The following SEL1L2 variants were observed in gnomAD, a reference collection of about 807,000 sequenced individuals.
SEL1L2 encodes SEL1L2 adaptor subunit of SYVN1 ubiquitin ligase.
SEL1L2 carries 89 observed loss-of-function variants against 98.8 expected under a neutral mutation model. The observed-to-expected ratio is 0.90, with a 90% CI of 0.76 to 1.07. SEL1L2 has a LOEUF of 1.07. Among genes scored for constraint, SEL1L2 ranks in the 50% least tolerant of loss-of-function variants. The pLI is 0.00. For missense variants in SEL1L2, 788 were observed against 812.0 expected, an observed-to-expected ratio of 0.97 and a Z score of 0.36; for synonymous variants, 262 against 278.5, an observed-to-expected ratio of 0.94 and a Z score of 0.59.
At chr20:13,924,729 G>A (rs1310665679) in intron 3 of SEL1L2, among the ~76,000 whole-genome samples, 1 of 151,946 alleles carries the variant, frequency 6.6e-6, no homozygotes, top group African/African-American at 2.4e-5. Context: ...AACTCTGGTT[G>A]GTTCTTTTAC....
At chr20:13,923,846 A>G (rs116821339) in intron 3 of SEL1L2, among the ~76,000 whole-genome samples, 2,323 of 152,298 alleles carry the variant, frequency 0.015, 59 homozygotes, top group African/African-American at 0.053. Flanking sequence ...AGCTTTATAC[A>G]TTCAAATCTT....
chr20:13,877,575 T>C lies in SEL1L2; in HGVS notation c.971A>G (p.Tyr324Cys). 1 of 1,612,574 alleles carries C rather than the reference T, an allele frequency of 6.2e-7. No homozygotes were observed. The highest frequency in any genetic ancestry group is 8.5e-7 in the Non-Finnish European group (1 of 1,178,832). The change falls in exon 11 of 20, where the codon TAC (tyrosine) becomes TGC (cysteine). Residue 324 changes from tyrosine (Y) to cysteine (C), a missense_variant. By Grantham distance (194) the Tyr-to-Cys change is radical (BLOSUM62 -2). Coordinates refer to ENST00000284951, the MANE Select transcript of SEL1L2 (RefSeq NM_025229.2). Reference sequence around the variant, plus strand: ...CCCGGCCTTTGCTGCCTTTAAGAAGTAGTGTAATGCTTTCTGGAGAGAAAA... The same window carrying C: ...CCCGGCCTTTGCTGCCTTTAAGAAGCAGTGTAATGCTTTCTGGAGAGAAAA... ...LDQDYYKALH[Y>C]FLKAAKAGSA...
At chr20:13,910,020 G>A (rs1234204140) in intron 5 of SEL1L2, among the ~76,000 whole-genome samples, 1 of 152,056 alleles carries the variant, frequency 6.6e-6, no homozygotes, top group Non-Finnish European at 1.5e-5. Context: ...ACAACAAACC[G>A]GTTCAGCTGA....
At chr20:13,923,550 C>T (rs2048751121) in intron 3 of SEL1L2, among the ~76,000 whole-genome samples, 1 of 152,128 alleles carries the variant, frequency 6.6e-6, no homozygotes, top group Non-Finnish European at 1.5e-5. Flanking sequence ...GGGTGAATCA[C>T]TTGAACCAGC....
At chr20:13,994,181 A>G (rs1327384172), upstream of SEL1L2, among the ~76,000 whole-genome samples, 1 of 151,574 alleles carries the variant, frequency 6.6e-6, no homozygotes, top group African/African-American at 2.4e-5. Context: ...CTGTAATCTC[A>G]GCTACTCCAG....
chr20:13,899,630 C>T (rs1171285348), intron 5 of SEL1L2, among the ~76,000 whole-genome samples: 2 of 152,074 alleles, frequency 1.3e-5, no homozygotes, highest in African/African-American at 4.8e-5. Flanking sequence ...TAGTCCTATA[C>T]AGGGGGTGCC....
At chr20:13,855,682 C>T (rs1989041684) in intron 18 of SEL1L2, among the ~76,000 whole-genome samples, 1 of 152,144 alleles carries the variant, frequency 6.6e-6, no homozygotes. Context: ...TTTGGGGTCC[C>T]CTAAAGCCTT....
rs1288182410 is a variant in SEL1L2, at chr20:13,849,393, G to A, written c.*92C>T. 4.3e-5 allele frequency: 65 copies of A among 1,494,934 alleles called. No homozygotes were observed. Among genetic ancestry groups the A allele is most frequent in the South Asian group, 2.0e-4 (16 of 79,714 alleles). 92.6% of individuals were successfully genotyped at this position (1,494,934 alleles called of 1,614,324 possible). ...ACAGCCCTGAGCGGGAAACTGCAGC[G>A]GACTCTTGATTTGGATGGGAAACTG... On this transcript the variant is annotated 3_prime_UTR_variant, in exon 20 of 20. Coordinates refer to ENST00000284951, the MANE Select transcript of SEL1L2 (RefSeq NM_025229.2).
intron 2 of SEL1L2, among the ~76,000 whole-genome samples, chr20:13,933,470 C>T (rs975941630): frequency 6.6e-6 from 1 of 152,118 alleles, no homozygotes; most frequent in African/African-American, 2.4e-5. Context: ...TATGTTTTAC[C>T]TCTACAGATT....
chr20:13,938,087 T>TC (rs147714567), intron 2 of SEL1L2, among the ~76,000 whole-genome samples: 17,051 of 150,788 alleles, frequency 0.11, 1,136 homozygotes, highest in Admixed American at 0.18. Flanking sequence ...TCTTTTCTTT[T>TC]TTTTTTTTTT....
At chr20:13,980,748 A>G (rs2051775108) in intron 1 of SEL1L2, among the ~76,000 whole-genome samples, 1 of 152,200 alleles carries the variant, frequency 6.6e-6, no homozygotes, top group Admixed American at 6.5e-5. Context: ...GTGTCCATCA[A>G]TGGATGAATG....
intron 18 of SEL1L2, among the ~76,000 whole-genome samples, chr20:13,856,542 T>C (rs1332859309): frequency 6.6e-6 from 1 of 152,126 alleles, no homozygotes; most frequent in Non-Finnish European, 1.5e-5. Flanking sequence ...AGAACAATGA[T>C]GCAGTCACTC....
chr20:13,938,717 T>G (rs746221331), intron 2 of SEL1L2, among the ~76,000 whole-genome samples: 1 of 152,156 alleles, frequency 6.6e-6, no homozygotes, highest in Non-Finnish European at 1.5e-5. Flanking sequence ...ACTTTACCCC[T>G]CTATAAAATA....
At chr20:13,965,597 G>A (rs1191577393) in intron 1 of SEL1L2, among the ~76,000 whole-genome samples, 10 of 152,026 alleles carry the variant, frequency 6.6e-5, no homozygotes, top group South Asian at 2.1e-4. Context: ...TCTAATTTCC[G>A]TCTACCCTTA....
intron 2 of SEL1L2, among the ~76,000 whole-genome samples, chr20:13,937,301 TCCAA>T (rs1205101523): frequency 6.6e-6 from 1 of 152,150 alleles, no homozygotes; most frequent in Non-Finnish European, 1.5e-5. Flanking sequence ...TCGGAGAATC[TCCAA>T]CCCGCCCAAG....
chr20:13,911,251 C>T (rs2048194462), intron 5 of SEL1L2, among the ~76,000 whole-genome samples: 1 of 152,220 alleles, frequency 6.6e-6, no homozygotes. Flanking sequence ...ATCTTTCTCT[C>T]CCCATTACTA....
At chr20:13,938,301 G>A (rs904245176) in intron 2 of SEL1L2, among the ~76,000 whole-genome samples, 13 of 151,936 alleles carry the variant, frequency 8.6e-5, no homozygotes, top group Admixed American at 2.6e-4. Context: ...GGCTCATCTC[G>A]AACCCCTGAC....
chr20:13,882,560 G>A (rs551270835), intron 10 of SEL1L2, among the ~76,000 whole-genome samples: 7 of 152,222 alleles, frequency 4.6e-5, no homozygotes, highest in Non-Finnish European at 8.8e-5. Flanking sequence ...AGTCATTCTC[G>A]CAGTCACAGA....
intron 2 of SEL1L2, among the ~76,000 whole-genome samples, chr20:13,945,821 G>T (rs1296944820): frequency 2.0e-5 from 3 of 151,932 alleles, no homozygotes; most frequent in East Asian, 3.9e-4. Context: ...TTAACAAAAT[G>T]AAAGAGGAGA....
Sources: gnomAD v4.1 joint callset for allele counts (sites outside exome capture counted in the v4.1 genomes callset) on GRCh38, gnomAD v4.1.1 for gene constraint, MANE v1.5 for transcripts, NCBI Gene and HGNC (gene_info 2026-07-23, HGNC 2026-07-21) for gene names.